PPIG: variants seen among roughly 807,000 people sequenced by gnomAD.
PPIG encodes the protein peptidyl-prolyl cis-trans isomerase G.
In PPIG, 26 loss-of-function variants were observed where a neutral mutation model predicts 87.9. The observed-to-expected ratio is 0.30, with a 90% confidence interval of 0.22 to 0.41. The LOEUF (loss-of-function observed/expected upper bound fraction) is 0.41. PPIG is among the 10% of genes least tolerant of loss of function. PPIG has a pLI of 1.00. For synonymous variants in PPIG, 308 were observed against 276.5 expected (o/e 1.11, Z -1.13); for missense variants, 722 against 879.4 (o/e 0.82, Z 2.26).
intron 4 of PPIG, 51 bp from the exon 5 acceptor site, chr2:169,605,988 T>C: frequency 2.2e-6 from 3 of 1,341,628 alleles, no homozygotes; most frequent in Non-Finnish European, 3.2e-6. Context: ...TTTGCTTTCA[T>C]ACTACTTTGA....
chr2:169,592,169 A>G (rs1684882287), intron 1 of PPIG, among the ~76,000 whole-genome samples: 1 of 150,814 alleles, frequency 6.6e-6, no homozygotes, highest in Non-Finnish European at 1.5e-5. Context: ...TTAAAATTGT[A>G]AGGGCTTAAT....
chr2:169,619,051 T>C (rs1574456438), intron 9 of PPIG, among the ~76,000 whole-genome samples: 1 of 152,346 alleles, frequency 6.6e-6, no homozygotes, highest in South Asian at 2.1e-4. Flanking sequence ...CTACTTTAGC[T>C]GTGTCCCAGA....
intron 1 of PPIG, among the ~76,000 whole-genome samples, chr2:169,597,633 G>A (rs1372108099): frequency 6.6e-6 from 1 of 151,880 alleles, no homozygotes; most frequent in Non-Finnish European, 1.5e-5. Flanking sequence ...GAGTAGCTGG[G>A]ACTACAGGCG....
Position 169,637,532 on chromosome 2 carries a change from T to C in PPIG, c.*9T>C, listed in dbSNP as rs757370788. 1.8e-5 allele frequency: 28 copies of C among 1,545,158 alleles called. No individual in the cohort carries two copies. Among genetic ancestry groups the C allele is most frequent in the African/African-American group, 2.8e-5 (2 of 71,836 alleles). On this transcript the variant is annotated 3_prime_UTR_variant, in exon 14 of 14. Coordinates refer to ENST00000260970, the MANE Select transcript of PPIG (RefSeq NM_004792.3). Reference sequence around the variant, plus strand: ...AAGACAAAAGCGGATGAGTGAGTTATATAAACTTACTTCCATTCTGTTTCG... The same window carrying C: ...AAGACAAAAGCGGATGAGTGAGTTACATAAACTTACTTCCATTCTGTTTCG...
chr2:169,598,814 T>TAAA (rs1559176583), intron 1 of PPIG, among the ~76,000 whole-genome samples: 2 of 148,096 alleles, frequency 1.4e-5, no homozygotes, highest in African/African-American at 4.9e-5. Flanking sequence ...AATATTTATA[T>TAAA]TTATATAAAT....
rs115094882 is a variant in PPIG at position 169,637,143 on chromosome 2, C to T, written c.1885C>T (p.Arg629Trp). The change falls in exon 14 of 14, where the codon CGG (arginine) becomes TGG (tryptophan). Residue 629 changes from arginine to tryptophan, a missense_variant. Arg to Trp is a moderately radical substitution (Grantham distance 101). Transcript: ENST00000260970. ...KDRRRRRRDS[R>W]SSEREESQSR... is the part of the protein sequence containing the mutation. ...TAGGAGGAGAAGGAGGAGAGACTCA[C>T]GGAGCTCAGAGAGAGAAGAAAGTCA... The T allele has an allele frequency of 9.9e-6, 16 of 1,611,974 alleles. No individual in the cohort carries two copies. Among genetic ancestry groups the T allele is most frequent in the African/African-American group, 6.7e-5 (5 of 74,700 alleles).
In PPIG at chr2:169,633,199, A is replaced by T; in HGVS notation, c.969A>T (p.Arg323=). 2.5e-6 allele frequency: 4 copies of T among 1,611,236 alleles called. No homozygotes were observed. The highest frequency in any genetic ancestry group is 3.4e-6 in the Non-Finnish European group (4 of 1,178,068). The change falls in exon 12 of 14, where the codon CGA becomes CGT. Residue 323 remains arginine (R), a synonymous_variant. Transcript: ENST00000260970. ...CCCAGCCTGCTTCATACCAGAGACG[A>T]CTTTTAGTTACTAGATCTGGCAGGA... ...PNSQPASYQR[R]LLVTRSGRKI...
intron 12 of PPIG, 144 bp downstream of exon 12, chr2:169,633,391 C>T (rs910259635): frequency 1.5e-6 from 1 of 689,574 alleles, no homozygotes; most frequent in Non-Finnish European, 2.5e-6. Context: ...TATTCTCTTT[C>T]TTAAGCAGCT....
chr2:169,633,621 G>T (rs982139383), intron 12 of PPIG: 7 of 260,410 alleles, frequency 2.7e-5, no homozygotes, highest in Non-Finnish European at 4.9e-5. Context: ...AATATCTTGT[G>T]CTTTCAAAAC....
At position 169,639,044 on chromosome 2, in the gene PPIG, A is replaced by G. The variant is rs1320110740; in HGVS notation, c.*1521A>G. ...AATTATTAACATGATACTTCCCACTATTGATTAATGCAATATTGATATATT... is the reference window on the plus strand; with the variant it reads ...AATTATTAACATGATACTTCCCACTGTTGATTAATGCAATATTGATATATT... On this transcript the variant is annotated 3_prime_UTR_variant, in exon 14 of 14. Transcript: ENST00000260970. 2 of 151,996 alleles carry G rather than the reference A, an allele frequency of 1.3e-5. No homozygotes were observed. The highest frequency in any genetic ancestry group is 6.6e-5 in the Admixed American group (1 of 15,230). 9.4% of individuals were successfully genotyped at this position (151,996 alleles called of 1,614,324 possible). A position where few individuals can be genotyped will look rare whatever the true frequency, so the allele number is the denominator to read the frequency against.
chr2:169,636,051 A>G (rs1686173133), intron 12 of PPIG, 41 bp from the exon 13 acceptor site: 1 of 1,505,534 alleles, frequency 6.6e-7, no homozygotes, highest in African/African-American at 1.4e-5. Context: ...GTCCCTCTAT[A>G]CTTCTATACA....
chr2:169,634,161 A>G (rs1452568431), intron 12 of PPIG, among the ~76,000 whole-genome samples: 3 of 152,022 alleles, frequency 2.0e-5, no homozygotes, highest in African/African-American at 4.8e-5. Flanking sequence ...TCCAGTCTCA[A>G]GCAATCCTCC....
At chr2:169,632,545 TC>T (rs1385098229) in intron 11 of PPIG, among the ~76,000 whole-genome samples, 146 of 151,104 alleles carry the variant, frequency 9.7e-4, no homozygotes, top group African/African-American at 3.4e-3. Flanking sequence ...ATGGAGACCA[TC>T]CTGGCTAACA....
chr2:169,624,139 G>T (rs1427418040), intron 9 of PPIG, among the ~76,000 whole-genome samples: 2 of 152,064 alleles, frequency 1.3e-5, no homozygotes, highest in African/African-American at 4.8e-5. Flanking sequence ...GCTAATTTTT[G>T]TATTTTTGGT....
intron 4 of PPIG, among the ~76,000 whole-genome samples, chr2:169,605,162 C>G (rs1175545136): frequency 6.6e-6 from 1 of 151,742 alleles, no homozygotes; most frequent in Non-Finnish European, 1.5e-5. Context: ...AGTGAAACCT[C>G]ATCTCTACTG....
At chr2:169,634,684 C>T (rs986016931) in intron 12 of PPIG, among the ~76,000 whole-genome samples, 1 of 152,196 alleles carries the variant, frequency 6.6e-6, no homozygotes, top group Non-Finnish European at 1.5e-5. Flanking sequence ...ATGCAAGTAA[C>T]TTAACTATGG....
intron 1 of PPIG, among the ~76,000 whole-genome samples, chr2:169,590,604 C>T (rs990472505): frequency 7.9e-5 from 12 of 151,728 alleles, no homozygotes; most frequent in Non-Finnish European, 1.5e-4. Context: ...GGTCACGCCA[C>T]TGCACTCCAG....
rs560193488 is a variant in PPIG at position 169,640,963 on chromosome 2, G to C, written c.*3440G>C. 1.3e-5 allele frequency: 2 copies of C among 152,148 alleles called. No homozygotes were observed. Among genetic ancestry groups the C allele is most frequent in the African/African-American group, 4.8e-5 (2 of 41,446 alleles). The allele number at this position is 152,148 out of a possible 1,614,324, so 9.4% of individuals were successfully genotyped here. A position where few individuals can be genotyped will look rare whatever the true frequency, so the allele number is the denominator to read the frequency against. ...TGAGGGGTTTAGTTTGTTTTAAAAG[G>C]TATGTGAGGGAGTGGTGGGGTGGAT... On this transcript the variant is annotated 3_prime_UTR_variant, in exon 14 of 14. Transcript: ENST00000260970.
At chr2:169,588,632 T>C (rs576539468) in intron 1 of PPIG, among the ~76,000 whole-genome samples, 14 of 152,264 alleles carry the variant, frequency 9.2e-5, no homozygotes, top group Admixed American at 2.6e-4. Flanking sequence ...TCTTTTTTCT[T>C]TTTTGTTTTT....
Sources: gnomAD v4.1 joint callset for allele counts (sites outside exome capture counted in the v4.1 genomes callset) on GRCh38, gnomAD v4.1.1 for gene constraint, MANE v1.5 for transcripts, NCBI Gene and HGNC (gene_info 2026-07-23, HGNC 2026-07-21) for gene names.